The following KCNIP3 variants were observed in gnomAD, a reference collection of about 807,000 sequenced individuals.
KCNIP3 encodes the protein potassium voltage-gated channel interacting protein 3.
A neutral mutation model predicts 35.0 loss-of-function variants in KCNIP3; 28 were observed. The observed-to-expected ratio is 0.80, with a 90% CI of 0.59 to 1.10. The LOEUF is 1.10. KCNIP3 is among the 50% of genes least tolerant of loss of function. The pLI is 0.00. For missense variants in KCNIP3, 295 were observed against 338.4 expected (o/e 0.87, Z 1.01); for synonymous variants, 134 against 133.8 (o/e 1.00, Z -0.01).
chr2:95,383,969 C>G, intron 8 of KCNIP3, 33 bp from the exon 9 acceptor site: 1 of 1,607,042 alleles, frequency 6.2e-7, no homozygotes, highest in South Asian at 1.1e-5. Flanking sequence ...GCCCACCCAG[C>G]ACCTGAAGGC....
intron 1 of KCNIP3, among the ~76,000 whole-genome samples, chr2:95,308,065 TGTG>T (rs1159016973): frequency 6.6e-6 from 1 of 152,048 alleles, no homozygotes; most frequent in Non-Finnish European, 1.5e-5. Context: ...CATGTGTGCT[TGTG>T]TGTGCATATG....
chr2:95,313,801 A>T (rs1678380662), intron 2 of KCNIP3: 1 of 152,090 alleles, frequency 6.6e-6, no homozygotes, highest in African/African-American at 2.4e-5. Flanking sequence ...TCTGAATGGG[A>T]CGAAGCCAGG....
At chr2:95,347,353 G>C (rs1247718264) in intron 2 of KCNIP3, among the ~76,000 whole-genome samples, 1 of 152,186 alleles carries the variant, frequency 6.6e-6, no homozygotes, top group East Asian at 1.9e-4. Flanking sequence ...GGCGCCTGGT[G>C]ACACCTTGAG....
At chr2:95,351,471 G>A (rs1243672747) in intron 2 of KCNIP3, among the ~76,000 whole-genome samples, 1 of 152,252 alleles carries the variant, frequency 6.6e-6, no homozygotes, top group African/African-American at 2.4e-5. Flanking sequence ...ATGAGAGGAA[G>A]GGAGGAGTCT....
At chr2:95,368,814 G>T in intron 2 of KCNIP3, 3 of 224,792 alleles carry the variant, frequency 1.3e-5, no homozygotes, top group South Asian at 1.9e-4. Flanking sequence ...CACCTTTGAT[G>T]ACCCTTCATG....
At chr2:95,336,916 C>A (rs1330403912) in intron 2 of KCNIP3, among the ~76,000 whole-genome samples, 4 of 152,178 alleles carry the variant, frequency 2.6e-5, no homozygotes. Context: ...CTCTCTGACC[C>A]CTGGGATCTT....
At chr2:95,327,014 C>T (rs1413259575) in intron 2 of KCNIP3, among the ~76,000 whole-genome samples, 2 of 152,220 alleles carry the variant, frequency 1.3e-5, no homozygotes, top group Non-Finnish European at 2.9e-5. Context: ...GTGCTCGGCA[C>T]GTGCCGGCTG....
At chr2:95,381,402 C>T (rs1438636814) in intron 5 of KCNIP3, among the ~76,000 whole-genome samples, 194 bp from the exon 6 acceptor site, 1 of 152,184 alleles carries the variant, frequency 6.6e-6, no homozygotes, top group African/African-American at 2.4e-5. Context: ...TTCACACACA[C>T]AGGTGCACAC....
At chr2:95,357,698 C>A (rs1679690361) in intron 2 of KCNIP3, among the ~76,000 whole-genome samples, 1 of 152,196 alleles carries the variant, frequency 6.6e-6, no homozygotes, top group Non-Finnish European at 1.5e-5. Context: ...GGCTTCCCAT[C>A]ATTAAATTAA....
At chr2:95,349,118 G>A (rs1203086899) in intron 2 of KCNIP3, among the ~76,000 whole-genome samples, 6 of 152,056 alleles carry the variant, frequency 3.9e-5, no homozygotes, top group African/African-American at 1.4e-4. Flanking sequence ...GAGGGAGGGC[G>A]TCGTGAGTTC....
chr2:95,379,681 G>C (rs1022311146), intron 5 of KCNIP3, among the ~76,000 whole-genome samples: 5 of 152,226 alleles, frequency 3.3e-5, no homozygotes. Context: ...GTAGGGACCA[G>C]CACCCCCAGG....
chr2:95,377,161 C>G lies in KCNIP3; in HGVS notation c.447+1953C>G, dbSNP rs1415814384. 6.6e-6 allele frequency among the ~76,000 whole-genome samples: 1 copy of G among 152,260 alleles called. No homozygotes were observed. The highest frequency in any genetic ancestry group is 2.4e-5 in the African/African-American group (1 of 41,472). The stretch of plus-strand genomic sequence containing the variant: ...GCCACACACAGATTTGCTGAACGCT[C>G]TGGCCACCAGGGCCTTTCTCGTGCA... On this transcript the variant is annotated intron_variant, in intron 5 of 8. Transcript: ENST00000295225. This position sits in a 1 kb window ranked among gnomAD's most constrained non-coding sequence, Gnocchi z 4.7.
chr2:95,315,836 A>G (rs2104218514), intron 2 of KCNIP3, among the ~76,000 whole-genome samples: 1 of 152,286 alleles, frequency 6.6e-6, no homozygotes, highest in South Asian at 2.1e-4. Flanking sequence ...CAGCCCCCGC[A>G]GGTACAGCCT....
At chr2:95,322,663 T>C (rs1488502425) in intron 2 of KCNIP3, among the ~76,000 whole-genome samples, 2 of 152,184 alleles carry the variant, frequency 1.3e-5, no homozygotes, top group African/African-American at 4.8e-5. Flanking sequence ...TTCTTGTCTG[T>C]GAAGTGAAGG....
At chr2:95,350,905 A>G (rs1052470560) in intron 2 of KCNIP3, among the ~76,000 whole-genome samples, 6 of 152,050 alleles carry the variant, frequency 3.9e-5, no homozygotes, top group Non-Finnish European at 8.8e-5. Flanking sequence ...TCTCTGGGTG[A>G]CTTCATGGGG....
intron 1 of KCNIP3, among the ~76,000 whole-genome samples, chr2:95,304,813 G>A (rs1199475594): frequency 6.6e-6 from 1 of 152,160 alleles, no homozygotes; most frequent in African/African-American, 2.4e-5. Context: ...TCCCTCCCTG[G>A]CTCCCCACAG....
chr2:95,368,231 T>C (rs1241965451), intron 2 of KCNIP3, among the ~76,000 whole-genome samples: 3 of 152,204 alleles, frequency 2.0e-5, no homozygotes, highest in Non-Finnish European at 1.5e-5. Context: ...ACCCTGAGAC[T>C]TGAGTAAACA....
intron 2 of KCNIP3, among the ~76,000 whole-genome samples, chr2:95,350,786 G>C (rs1162100102): frequency 6.6e-6 from 1 of 152,198 alleles, no homozygotes; most frequent in South Asian, 2.1e-4. Context: ...AATACCCGCT[G>C]TGCCCACCCT....
intron 2 of KCNIP3, among the ~76,000 whole-genome samples, chr2:95,327,900 T>C (rs2104240411): frequency 6.6e-6 from 1 of 152,234 alleles, no homozygotes; most frequent in Middle Eastern, 3.4e-3. Flanking sequence ...CCTTCCAATC[T>C]CACCCCAAAC....
Sources: allele counts gnomAD v4.1 joint callset (sites outside exome capture counted in the v4.1 genomes callset), GRCh38; gene constraint gnomAD v4.1.1; non-coding constraint Gnocchi (gnomAD v3.1); transcripts MANE v1.5; gene names NCBI Gene and HGNC (gene_info 2026-07-23, HGNC 2026-07-21).